Variants in SLC44A5 observed in about 807,000 individuals in gnomAD.
SLC44A5 encodes choline transporter-like protein 5.
SLC44A5 carries 57 observed loss-of-function variants against 101.8 expected under a neutral mutation model. The observed-to-expected ratio is 0.56, with a 90% CI of 0.45 to 0.70. The LOEUF is 0.70. Ranked by LOEUF, SLC44A5 falls within the 30% of genes least tolerant of loss-of-function variation. The pLI, the probability that SLC44A5 is intolerant of heterozygous loss-of-function variation, is 0.00. For missense variants in SLC44A5, 737 were observed against 853.1 expected (o/e 0.86, Z 1.70); for synonymous variants, 281 against 290.9 (o/e 0.97, Z 0.35).
intron 1 of SLC44A5, among the ~76,000 whole-genome samples, chr1:75,550,142 C>A (rs536776935): frequency 1.5e-4 from 23 of 151,956 alleles, no homozygotes; most frequent in African/African-American, 5.3e-4. Context: ...TTCATAAGAA[C>A]CAAAAAGTGG....
the SLC44A5 span, among the ~76,000 whole-genome samples, chr1:75,717,806 G>A: frequency 6.6e-6 from 1 of 152,152 alleles, no homozygotes; most frequent in Non-Finnish European, 1.5e-5. Context: ...AAGTTCGGTG[G>A]ACCAAAGGGA....
rs141797610 is a variant in SLC44A5 at position 75,467,006 on chromosome 1, G to A, written c.14-70385C>T. 5.0e-3 allele frequency among the ~76,000 whole-genome samples: 754 copies of A among 152,108 alleles called. 11 individuals are homozygous for A. Among genetic ancestry groups the A allele is most frequent in the African/African-American group, 0.017 (711 of 41,518 alleles). On this transcript the variant is annotated intron_variant, in intron 2 of 23. Transcript: ENST00000370859. ...TAAAGTTGCAAGATACAAAATCAAC[G>A]TACGAAAATCGGTAACATTTCTATA...
At chr1:75,570,424 T>C (rs1333152792) in intron 1 of SLC44A5, among the ~76,000 whole-genome samples, 3 of 151,670 alleles carry the variant, frequency 2.0e-5, no homozygotes, top group Non-Finnish European at 4.4e-5. Context: ...TCAGGAATGG[T>C]GGTAGGTGAA....
rs116581500 is a variant in SLC44A5, at chr1:75,335,267, A to G, written c.101+4315T>C. 5.9e-3 allele frequency among the ~76,000 whole-genome samples: 898 copies of G among 152,250 alleles called. 11 individuals carry two copies. Among genetic ancestry groups the G allele is most frequent in the African/African-American group, 0.021 (859 of 41,546 alleles). On this transcript the variant is annotated intron_variant, in intron 4 of 23. Transcript: ENST00000370859. ...TCTGTCATGCCCTAGAATTACTCCA[A>G]CTCAGGGATGATGACTGGCACTGAC...
At chr1:75,564,634 T>TA in intron 1 of SLC44A5, among the ~76,000 whole-genome samples, 2 of 151,424 alleles carry the variant, frequency 1.3e-5, no homozygotes, top group Non-Finnish European at 2.9e-5. Context: ...TTTATTTATT[T>TA]TTCGAGATGG....
chr1:75,417,278 C>G (rs149475455), intron 2 of SLC44A5, among the ~76,000 whole-genome samples: 11 of 152,316 alleles, frequency 7.2e-5, no homozygotes, highest in African/African-American at 2.6e-4. Context: ...TGCACAAGCT[C>G]TCTTTGCCTG....
the SLC44A5 span, among the ~76,000 whole-genome samples, chr1:75,636,954 T>C: frequency 6.6e-6 from 1 of 151,956 alleles, no homozygotes. Flanking sequence ...TGGGCACAAT[T>C]AGTAGATTTA....
intron 3 of SLC44A5, among the ~76,000 whole-genome samples, chr1:75,364,650 C>G (rs1476425748): frequency 6.6e-6 from 1 of 152,124 alleles, no homozygotes; most frequent in Non-Finnish European, 1.5e-5. Flanking sequence ...AATTTTCACT[C>G]AATAGTTCCT....
At chr1:75,544,839 A>C (rs1671556151) in intron 1 of SLC44A5, among the ~76,000 whole-genome samples, 1 of 152,074 alleles carries the variant, frequency 6.6e-6, no homozygotes, top group Non-Finnish European at 1.5e-5. Flanking sequence ...TTTGTTTTTC[A>C]TGACATCGAA....
At chr1:75,499,757 C>A (rs1287540533) in intron 2 of SLC44A5, among the ~76,000 whole-genome samples, 1 of 152,120 alleles carries the variant, frequency 6.6e-6, no homozygotes, top group African/African-American at 2.4e-5. Flanking sequence ...ACACTCAGTT[C>A]TTTGTCAAAT....
At chr1:75,602,917 AGAG>A (rs1207782476) in intron 1 of SLC44A5, among the ~76,000 whole-genome samples, 4 of 152,148 alleles carry the variant, frequency 2.6e-5, no homozygotes, top group South Asian at 2.1e-4. Flanking sequence ...AGGCAAATCT[AGAG>A]TAGTAATACA....
chr1:75,417,785 A>G, intron 2 of SLC44A5, among the ~76,000 whole-genome samples: 1 of 152,264 alleles, frequency 6.6e-6, no homozygotes, highest in East Asian at 1.9e-4. Context: ...AGAGAGCCAA[A>G]GAGCCAAGGC....
At chr1:75,692,154 AGT>A in the SLC44A5 span, among the ~76,000 whole-genome samples, 3 of 149,808 alleles carry the variant, frequency 2.0e-5, no homozygotes, top group African/African-American at 4.9e-5. Context: ...TCAGAAGTAA[AGT>A]GTTTGCATAG....
intron 2 of SLC44A5, among the ~76,000 whole-genome samples, chr1:75,441,673 T>C (rs1047314182): frequency 7.9e-5 from 12 of 152,068 alleles, no homozygotes; most frequent in Non-Finnish European, 1.8e-4. Flanking sequence ...CACAGAAAGA[T>C]TTTTTTAAGC....
chr1:75,598,744 G>A (rs1674798413), intron 1 of SLC44A5, among the ~76,000 whole-genome samples: 1 of 152,166 alleles, frequency 6.6e-6, no homozygotes, highest in South Asian at 2.1e-4. Flanking sequence ...TGGACACATA[G>A]AGGGAAACAA....
intron 3 of SLC44A5, among the ~76,000 whole-genome samples, chr1:75,345,551 C>T (rs773543338): frequency 2.0e-5 from 3 of 152,068 alleles, no homozygotes; most frequent in Non-Finnish European, 4.4e-5. Flanking sequence ...TGAATTGACA[C>T]GTTGGCTACA....
intron 2 of SLC44A5, among the ~76,000 whole-genome samples, chr1:75,531,447 C>G (rs768626893): frequency 6.6e-6 from 1 of 152,144 alleles, no homozygotes; most frequent in Admixed American, 6.5e-5. Context: ...CCTAGGGCTA[C>G]CCTATAAGGT....
intron 2 of SLC44A5, among the ~76,000 whole-genome samples, chr1:75,515,698 G>T (rs149597976): frequency 1.9e-3 from 289 of 152,206 alleles, no homozygotes; most frequent in African/African-American, 6.3e-3. Context: ...ACTGGTCATT[G>T]TCAGTAATTC....
chr1:75,295,196 A>G (rs1653870709), intron 5 of SLC44A5, among the ~76,000 whole-genome samples: 1 of 104,764 alleles, frequency 9.5e-6, no homozygotes, highest in Non-Finnish European at 2.3e-5. Context: ...AAAGCTAAAA[A>G]ATTAAATTAA....
Sources: allele counts gnomAD v4.1 joint callset (sites outside exome capture counted in the v4.1 genomes callset), GRCh38; gene constraint gnomAD v4.1.1; transcripts MANE v1.5; gene names NCBI Gene and HGNC (gene_info 2026-07-23, HGNC 2026-07-21).